The following TYW1 variants were observed in gnomAD, a reference collection of about 807,000 sequenced individuals.
TYW1 encodes tRNA-yW synthesizing protein 1 homolog, also known as S-adenosyl-L-methionine-dependent tRNA 4-demethylwyosine synthase TYW1.
TYW1 carries 46 observed loss-of-function variants against 96.2 expected under a neutral mutation model. The observed-to-expected ratio is 0.48, with a 90% CI of 0.38 to 0.61. The LOEUF (loss-of-function observed/expected upper bound fraction) is 0.61, where lower values mean the gene tolerates loss of function less well. Ranked by LOEUF, TYW1 falls within the 20% of genes least tolerant of loss-of-function variation. The pLI is 0.00. For missense variants in TYW1, 684 were observed against 909.6 expected (o/e 0.75, Z 3.19); for synonymous variants, 274 against 323.0 (o/e 0.85, Z 1.63).
intron 3 of TYW1, 96 bp from the exon 4 acceptor site, chr7:67,009,487 T>A (rs1481237763): frequency 9.5e-7 from 1 of 1,054,460 alleles, no homozygotes; most frequent in African/African-American, 1.6e-5. Context: ...AAAATATTTT[T>A]CATGAGGAAT....
At chr7:67,133,496 G>A (rs1247147485) in intron 13 of TYW1, among the ~76,000 whole-genome samples, 1 of 151,530 alleles carries the variant, frequency 6.6e-6, no homozygotes, top group African/African-American at 2.4e-5. Context: ...TCAAGAGATC[G>A]AGACCATCCT....
At chr7:67,234,796 G>A (rs79691289) in intron 15 of TYW1, among the ~76,000 whole-genome samples, 6,109 of 152,120 alleles carry the variant, frequency 0.04, 178 homozygotes, top group Middle Eastern at 0.092. Flanking sequence ...CTTTCACACT[G>A]TATTAGAAGT....
At chr7:67,129,677 T>A (rs1391944711) in intron 13 of TYW1, among the ~76,000 whole-genome samples, 2 of 152,228 alleles carry the variant, frequency 1.3e-5, no homozygotes, top group Non-Finnish European at 2.9e-5. Context: ...CTTGCTGCAT[T>A]GGAAACTAGA....
intron 14 of TYW1, among the ~76,000 whole-genome samples, chr7:67,190,710 G>A (rs1030021925): frequency 2.6e-5 from 4 of 152,260 alleles, no homozygotes; most frequent in East Asian, 1.9e-4. Context: ...TGAGAAGCTC[G>A]GGCTGGTTTA....
In TYW1 at chr7:67,128,165, TC is replaced by T. The variant is rs372846091; in HGVS notation, c.1698+10549del. Among the ~76,000 whole-genome samples, 370 of 152,316 alleles carry T rather than the reference TC, an allele frequency of 2.4e-3. 2 individuals are homozygous for T. Among genetic ancestry groups the T allele is most frequent in the African/African-American group, 8.8e-3 (365 of 41,556 alleles). On this transcript the variant is annotated intron_variant, in intron 13 of 15. Transcript: ENST00000359626. ...TCTCTCTTTCTTTTCCTCTTGGTAT[TC>T]CTGTTACACATACATTACACCCTTT...
intron 12 of TYW1, among the ~76,000 whole-genome samples, chr7:67,115,236 A>C (rs1193888422): frequency 7.5e-6 from 1 of 133,106 alleles, no homozygotes; most frequent in Non-Finnish European, 1.6e-5. Flanking sequence ...CCATTAAGAC[A>C]GTCCTTTTTT....
chr7:67,078,398 G>A lies in TYW1; in HGVS notation c.1275-5032G>A, dbSNP rs998373415. ...GTGTGAGCCACTGCACCTGGCTATA[G>A]TATATTTTGAAGTCATGTACTGTAA... On this transcript the variant is annotated intron_variant, in intron 10 of 15. Coordinates refer to ENST00000359626, the MANE Select transcript of TYW1 (RefSeq NM_018264.4). Among the ~76,000 whole-genome samples, 14 of 152,062 alleles carry A rather than the reference G, an allele frequency of 9.2e-5. 1 individual carries two copies. In the South Asian group the frequency reaches 1.9e-3, roughly 20 times the overall value.
chr7:67,128,693 T>TG (rs1797976922), intron 13 of TYW1, among the ~76,000 whole-genome samples: 1 of 79,886 alleles, frequency 1.3e-5, no homozygotes, highest in Non-Finnish European at 2.5e-5. Flanking sequence ...TCTCAGTGTT[T>TG]TTTTTTTTTT....
chr7:67,057,003 T>C (rs992572729), intron 9 of TYW1, among the ~76,000 whole-genome samples: 19 of 151,446 alleles, frequency 1.3e-4, no homozygotes, highest in African/African-American at 3.9e-4. Flanking sequence ...TGGTACCTCA[T>C]TGAGTTTTTT....
intron 6 of TYW1, among the ~76,000 whole-genome samples, chr7:67,024,027 T>C (rs1562970756): frequency 6.6e-6 from 1 of 152,140 alleles, no homozygotes; most frequent in African/African-American, 2.4e-5. Flanking sequence ...TTCCCAGTGA[T>C]GTCACATTTC....
At chr7:66,997,747 G>GC (rs895368955) in intron 1 of TYW1, among the ~76,000 whole-genome samples, 28 of 149,110 alleles carry the variant, frequency 1.9e-4, no homozygotes, top group Non-Finnish European at 3.7e-4. Context: ...TCCTGCCTCA[G>GC]CCCCCCGAGT....
At chr7:67,137,012 G>A (rs1169073661) in intron 13 of TYW1, among the ~76,000 whole-genome samples, 2 of 144,916 alleles carry the variant, frequency 1.4e-5, no homozygotes, top group African/African-American at 5.4e-5. Flanking sequence ...TAGTAGAGAC[G>A]GGGTTTCACC....
intron 11 of TYW1, among the ~76,000 whole-genome samples, chr7:67,095,698 ACAGCAG>A (rs1307959075): frequency 2.0e-5 from 2 of 102,408 alleles, no homozygotes; most frequent in Admixed American, 1.1e-4. Flanking sequence ...AACAACAACA[ACAGCAG>A]CAGCAGCAGC....
intron 13 of TYW1, among the ~76,000 whole-genome samples, chr7:67,120,776 A>T (rs1797736947): frequency 6.6e-6 from 1 of 152,200 alleles, no homozygotes; most frequent in Admixed American, 6.5e-5. Flanking sequence ...CCAAAAACTG[A>T]ATTCTTACCT....
chr7:67,221,835 GC>G (rs1291215300), intron 15 of TYW1, among the ~76,000 whole-genome samples: 3 of 150,058 alleles, frequency 2.0e-5, no homozygotes, highest in African/African-American at 7.4e-5. Context: ...TACATTGTGT[GC>G]CCCAAAACAT....
intron 3 of TYW1, among the ~76,000 whole-genome samples, chr7:66,999,666 T>A: frequency 6.6e-6 from 1 of 152,112 alleles, no homozygotes; most frequent in Non-Finnish European, 1.5e-5. Context: ...ACGTCACACA[T>A]CTATGTAATG....
chr7:67,116,605 C>T (rs2115971247), intron 12 of TYW1, among the ~76,000 whole-genome samples: 1 of 152,144 alleles, frequency 6.6e-6, no homozygotes, highest in South Asian at 2.1e-4. Context: ...AAGAGGGTCA[C>T]TTGAGCCTGG....
intron 11 of TYW1, among the ~76,000 whole-genome samples, chr7:67,093,199 T>A (rs1796780242): frequency 1.3e-5 from 2 of 152,184 alleles, no homozygotes; most frequent in South Asian, 4.1e-4. Context: ...AATTTATTTT[T>A]CAGTTCACAA....
At chr7:67,196,166 G>A (rs574854778) in intron 15 of TYW1, among the ~76,000 whole-genome samples, 24 of 151,650 alleles carry the variant, frequency 1.6e-4, no homozygotes, top group African/African-American at 5.6e-4. Flanking sequence ...TGCTTCAGCT[G>A]TGTCTCCTGT....
Sources: allele counts gnomAD v4.1 joint callset (sites outside exome capture counted in the v4.1 genomes callset), GRCh38; gene constraint gnomAD v4.1.1; transcripts MANE v1.5; gene names NCBI Gene and HGNC (gene_info 2026-07-23, HGNC 2026-07-21).